HNF1B: variants seen among roughly 807,000 people sequenced by gnomAD.
The protein encoded by HNF1B is hepatocyte nuclear factor 1-beta.
In HNF1B, 8 loss-of-function variants were observed where a neutral mutation model predicts 61.7. The ratio of observed to expected loss-of-function variants is 0.13; its 90% CI spans 0.08 to 0.23. The LOEUF (loss-of-function observed/expected upper bound fraction) is 0.23, where lower values mean the gene tolerates loss of function less well. Among genes scored for constraint, HNF1B ranks in the 10% least tolerant of loss-of-function variants. HNF1B has a pLI of 1.00. For missense variants in HNF1B, 562 were observed against 714.5 expected, an observed-to-expected ratio of 0.79 and a Z score of 2.43; for synonymous variants, 314 against 287.7, an observed-to-expected ratio of 1.09 and a Z score of -0.93.
chr17:37,690,003 G>GCACACA (rs5820231), intron 8 of HNF1B, among the ~76,000 whole-genome samples: 2 of 148,764 alleles, frequency 1.3e-5, no homozygotes, highest in Non-Finnish European at 3.0e-5. Flanking sequence ...ACAAATGCGT[G>GCACACA]CACACACACA....
chr17:37,735,870 C>T (rs544592336), intron 2 of HNF1B, among the ~76,000 whole-genome samples: 2 of 152,282 alleles, frequency 1.3e-5, no homozygotes, highest in African/African-American at 2.4e-5. Flanking sequence ...GCCATCCTCT[C>T]GCCTTAGCCT....
chr17:37,710,425 C>A (rs1316891365), intron 5 of HNF1B, 78 bp downstream of exon 5: 10 of 1,545,380 alleles, frequency 6.5e-6, no homozygotes, highest in Non-Finnish European at 8.9e-6. Context: ...TTGTTTGAGG[C>A]AGGCCTTGTG....
chr17:37,701,297 G>A, intron 6 of HNF1B, 120 bp from the exon 7 acceptor site: 1 of 889,316 alleles, frequency 1.1e-6, no homozygotes. Context: ...TTACATAGGA[G>A]ATTCCATGGG....
chr17:37,693,924 T>A lies in HNF1B; in HGVS notation c.1653+5152A>T, dbSNP rs749078549. Among the ~76,000 whole-genome samples the A allele has an allele frequency of 2.0e-5, 3 of 152,232 alleles. 1 individual carries two copies. The highest frequency in any genetic ancestry group is 4.4e-5 in the Non-Finnish European group (3 of 68,040). ...CTCTCTTGCTCTTTATCTCACCATA[T>A]GACATGCCTATTCCCCCTTTACCTT... On this transcript the variant is annotated intron_variant, in intron 8 of 8. Transcript: ENST00000617811.
intron 4 of HNF1B, among the ~76,000 whole-genome samples, chr17:37,726,598 A>G (rs2033506274): frequency 6.6e-6 from 1 of 152,202 alleles, no homozygotes; most frequent in Admixed American, 6.5e-5. Context: ...TCTGAGACCC[A>G]GGGTTAGATT....
intron 2 of HNF1B, among the ~76,000 whole-genome samples, chr17:37,737,983 C>G (rs1283059089): frequency 6.6e-6 from 1 of 152,218 alleles, no homozygotes; most frequent in African/African-American, 2.4e-5. Context: ...TCCAGTCTGC[C>G]TTTCCTGCCT....
intron 5 of HNF1B, 74 bp downstream of exon 5, chr17:37,710,429 C>A: frequency 6.4e-7 from 1 of 1,552,348 alleles, no homozygotes; most frequent in Non-Finnish European, 8.9e-7. Context: ...TTGAGGCAGG[C>A]CTTGTGAGAA....
Position 37,700,997 on chromosome 17 carries a change from A to T in HNF1B, c.1520T>A (p.Leu507Gln). 1 of 1,556,886 alleles carries T rather than the reference A, an allele frequency of 6.4e-7. No individual in the cohort carries two copies. Among genetic ancestry groups the T allele is most frequent in the Non-Finnish European group, 8.7e-7 (1 of 1,149,994 alleles). ...CGTGTCCTTACTGTGTGAGTTCTGCAGCTGAGTCACAGCTGCCATGAAGGG... is the reference window on the plus strand; with the variant it reads ...CGTGTCCTTACTGTGTGAGTTCTGCTGCTGAGTCACAGCTGCCATGAAGGG... ...QQPFMAAVTQ[L>Q]QNSHMYAHKQ... The change falls in exon 7 of 9, where the codon CTG (leucine) becomes CAG (glutamine). Residue 507 changes from leucine (L) to glutamine (Q), a missense_variant. By Grantham distance (113) the Leu-to-Gln change is moderately radical. Transcript: ENST00000617811.
chr17:37,740,832 GTTTTAGCACC>G (rs770536113), intron 1 of HNF1B, among the ~76,000 whole-genome samples: 2 of 152,178 alleles, frequency 1.3e-5, no homozygotes, highest in Non-Finnish European at 2.9e-5. Flanking sequence ...TAAACTGCTA[GTTTTAGCACC>G]TTTGAATTTT....
At chr17:37,717,258 C>A (rs1381810207) in intron 4 of HNF1B, among the ~76,000 whole-genome samples, 2 of 152,074 alleles carry the variant, frequency 1.3e-5, no homozygotes, top group African/African-American at 4.8e-5. Flanking sequence ...CCTCCCATCC[C>A]TGATAATGCA....
chr17:37,689,744 G>A (rs2032127528), intron 8 of HNF1B, among the ~76,000 whole-genome samples: 1 of 152,200 alleles, frequency 6.6e-6, no homozygotes, highest in African/African-American at 2.4e-5. Context: ...ATAATGGTAA[G>A]AGCTAACATT....
At position 37,744,723 on chromosome 17, in the gene HNF1B, G is replaced by A; in HGVS notation, c.162C>T (p.Ala54=). 6.2e-7 allele frequency: 1 copy of A among 1,613,392 alleles called. No homozygotes were observed. Among genetic ancestry groups the A allele is most frequent in the Non-Finnish European group, 8.5e-7 (1 of 1,180,038 alleles). The change falls in exon 1 of 9, where the codon GCC becomes GCT. Residue 54 remains alanine (A), a synonymous_variant. Coordinates refer to ENST00000617811, the MANE Select transcript of HNF1B (RefSeq NM_000458.4). ...GGAAGACCGGCTTGGTGTCGGGCTCGGCCCCGCTGCCAGGGGACAGGGGCA... is the reference window on the plus strand; with the variant it reads ...GGAAGACCGGCTTGGTGTCGGGCTCAGCCCCGCTGCCAGGGGACAGGGGCA... The part of the protein sequence containing the change: ...ETLPLSPGSG[A]EPDTKPVFHT...
At chr17:37,701,255 C>G (rs1034585951) in intron 6 of HNF1B, 78 bp from the exon 7 acceptor site, 25 of 1,355,114 alleles carry the variant, frequency 1.8e-5, no homozygotes, top group Non-Finnish European at 2.4e-5. Context: ...TTTGAGCCCC[C>G]GCTCAATGTC....
chr17:37,744,436 G>T, intron 1 of HNF1B, 105 bp downstream of exon 1: 1 of 1,204,462 alleles, frequency 8.3e-7, no homozygotes, highest in Non-Finnish European at 1.2e-6. Context: ...GACTTCTCTG[G>T]TGGGAAACGG....
At chr17:37,695,812 T>G (rs967553925) in intron 8 of HNF1B, among the ~76,000 whole-genome samples, 1 of 152,214 alleles carries the variant, frequency 6.6e-6, no homozygotes, top group Non-Finnish European at 1.5e-5. Context: ...CACCATTGTA[T>G]TTTGGAAGTA....
chr17:37,709,897 G>C (rs965870340), intron 5 of HNF1B, among the ~76,000 whole-genome samples: 6 of 152,216 alleles, frequency 3.9e-5, no homozygotes, highest in Middle Eastern at 3.4e-3. Context: ...TTTGAACCTG[G>C]GCAATTGTAA....
chr17:37,705,925 A>G (rs1235146543), intron 5 of HNF1B, among the ~76,000 whole-genome samples: 1 of 152,162 alleles, frequency 6.6e-6, no homozygotes, highest in African/African-American at 2.4e-5. Flanking sequence ...CACTTTTTCC[A>G]TGATACATTA....
At position 37,731,868 on chromosome 17, in the gene HNF1B, G is replaced by A. The variant is rs780242662; in HGVS notation, c.810-38C>T. ...GGAGGGGAGATGGTGAGTGAGGGGG[G>A]GCGGGGGGACTTGTTGGTGCTTGGC... On this transcript the variant is annotated intron_variant, in intron 3 of 8. Coordinates refer to ENST00000617811, the MANE Select transcript of HNF1B (RefSeq NM_000458.4). 6.4e-6 allele frequency: 9 copies of A among 1,402,676 alleles called. No homozygotes were observed. In the Admixed American group the frequency reaches 8.5e-5, roughly 13 times the overall value. 86.9% of individuals were successfully genotyped at this position (1,402,676 alleles called of 1,614,324 possible).
rs375215167 is a variant in HNF1B, at chr17:37,721,326, G to T, written c.1045+10269C>A. 3.4e-4 allele frequency among the ~76,000 whole-genome samples: 52 copies of T among 152,302 alleles called. No homozygotes were observed. The South Asian group carries it at 0.011, about 32-fold the overall frequency. On this transcript the variant is annotated intron_variant, in intron 4 of 8. Transcript: ENST00000617811. ...CCTGAAACGGGGAAGGAGCGAGGGA[G>T]TGAGGGAGAGAAGGAGAGAGAGACA...
Sources: allele counts gnomAD v4.1 joint callset (sites outside exome capture counted in the v4.1 genomes callset), GRCh38; gene constraint gnomAD v4.1.1; transcripts MANE v1.5; gene names NCBI Gene and HGNC (gene_info 2026-07-23, HGNC 2026-07-21).